The following ATP2B3 variants were observed in gnomAD, a reference collection of about 807,000 sequenced individuals.
ATP2B3 encodes the protein plasma membrane calcium-transporting ATPase 3.
Under a neutral mutation model 70.8 loss-of-function variants are expected in ATP2B3, and 12 were observed. The ratio of observed to expected loss-of-function variants is 0.17; its 90% CI spans 0.11 to 0.27. The LOEUF is 0.27. ATP2B3 is among the 10% of genes least tolerant of loss of function. The pLI is 1.00. For missense variants in ATP2B3, 858 were observed against 1,118.5 expected (o/e 0.77, Z 3.32); for synonymous variants, 460 against 497.8 (o/e 0.92, Z 1.01).
Position 153,580,578 on chromosome X carries a change from C to A in ATP2B3, c.*280C>A, listed in dbSNP as rs1462910234. 6.4e-6 allele frequency: 2 copies of A among 312,534 alleles called. No individual in the cohort carries two copies. Among genetic ancestry groups the A allele is most frequent in the Non-Finnish European group, 1.1e-5 (2 of 178,074 alleles). The allele number at this position is 312,534 out of a possible 1,213,427, so 25.8% of individuals were successfully genotyped here. A position where few individuals can be genotyped will look rare whatever the true frequency, so the allele number is the denominator to read the frequency against. On this transcript the variant is annotated 3_prime_UTR_variant, in exon 22 of 22. Coordinates refer to ENST00000263519, the MANE Select transcript of ATP2B3 (RefSeq NM_001001344.3). ...CAAAAAGGGGGAGGAGAAGGTTCTT[C>A]GTCCAAAGGAGGAAGGAGAAGAAGT...
intron 2 of ATP2B3, among the ~76,000 whole-genome samples, chrX:153,531,612 T>C (rs1265231716): frequency 1.8e-5 from 2 of 112,790 alleles, no homozygotes; most frequent in Non-Finnish European, 3.8e-5. Context: ...CCCTGAGTTC[T>C]GCTTCCTTCT....
At chrX:153,529,743 A>G (rs1160485722) in intron 2 of ATP2B3, among the ~76,000 whole-genome samples, 1 of 108,118 alleles carries the variant, frequency 9.2e-6, no homozygotes, top group Non-Finnish European at 1.9e-5. Context: ...CATGGCACCC[A>G]CCCTTCCACT....
chrX:153,574,792 A>G (rs1557020845), intron 21 of ATP2B3: 1 of 329,099 alleles, frequency 3.0e-6, no homozygotes, highest in African/African-American at 2.7e-5. Flanking sequence ...CCCCATGCAC[A>G]TGGCGGGCAC....
chrX:153,571,644 G>A (rs1417038291), intron 21 of ATP2B3, among the ~76,000 whole-genome samples: 1 of 112,110 alleles, frequency 8.9e-6, no homozygotes. Context: ...CCTTCATTCC[G>A]TGGCCATCTG....
At position 153,543,055 on chromosome X, in the gene ATP2B3, T is replaced by C; in HGVS notation, c.803T>C (p.Met268Thr). The C allele has an allele frequency of 8.3e-7, 1 of 1,210,919 alleles. No homozygotes were observed. Among genetic ancestry groups the C allele is most frequent in the Non-Finnish European group, 1.1e-6 (1 of 895,077 alleles). The change falls in exon 7 of 22, where the codon ATG (methionine) becomes ACG (threonine). Residue 268 changes from methionine (M) to threonine (T), a missense_variant. By Grantham distance (81) the Met-to-Thr change is moderately conservative. Coordinates refer to ENST00000263519, the MANE Select transcript of ATP2B3 (RefSeq NM_001001344.3). Reference sequence around the variant, plus strand: ...GTTGCTGTTCCAGGCACTCATGTCATGGAAGGTTCTGGAAGAATGGTGGTG... The same window carrying C: ...GTTGCTGTTCCAGGCACTCATGTCACGGAAGGTTCTGGAAGAATGGTGGTG... The part of the protein sequence containing the change: ...DPMLLSGTHV[M>T]EGSGRMVVTA...
chrX:153,561,155 C>T (rs371579213), intron 19 of ATP2B3, among the ~76,000 whole-genome samples: 1 of 112,334 alleles, frequency 8.9e-6, no homozygotes, highest in South Asian at 3.7e-4. Flanking sequence ...GAAGTTTTCT[C>T]ACAGATGCTG....
intron 12 of ATP2B3, among the ~76,000 whole-genome samples, chrX:153,552,055 C>T (rs1299148805): frequency 2.7e-5 from 3 of 112,682 alleles, no homozygotes; most frequent in Non-Finnish European, 5.6e-5. Flanking sequence ...CCAGGTGCAG[C>T]GCTCACTGCC....
At chrX:153,561,672 G>A (rs1288198842) in intron 19 of ATP2B3, among the ~76,000 whole-genome samples, 1 of 112,333 alleles carries the variant, frequency 8.9e-6, no homozygotes, top group Non-Finnish European at 1.9e-5. Context: ...ACCTGGTCCT[G>A]GGTAATGAGT....
At chrX:153,536,641 C>A (rs947240054) in intron 3 of ATP2B3, among the ~76,000 whole-genome samples, 186 bp downstream of exon 3, 2 of 112,403 alleles carry the variant, frequency 1.8e-5, no homozygotes, top group African/African-American at 6.5e-5. Context: ...TCCACACCTC[C>A]ACAATCAGGA....
chrX:153,578,724 A>G (rs1557021917), intron 21 of ATP2B3, among the ~76,000 whole-genome samples: 1 of 112,159 alleles, frequency 8.9e-6, no homozygotes, highest in Non-Finnish European at 1.9e-5. Context: ...AGGTCTGCAA[A>G]CTCCTGTGGG....
At chrX:153,552,286 G>A (rs2090469174) in intron 12 of ATP2B3, among the ~76,000 whole-genome samples, 1 of 112,182 alleles carries the variant, frequency 8.9e-6, no homozygotes, top group African/African-American at 3.2e-5. Context: ...GGTTCCGTGG[G>A]TGAATCCACA....
Position 153,548,641 on chromosome X carries a change from G to A in ATP2B3, c.1125G>A (p.Gly375=), listed in dbSNP as rs1557009793. ...CGTCTCCTCCCCGCTCTGTGGCAGG[G>A]CTGGTGATGTCTGCCATCACCGTCA... is the stretch of plus-strand genomic sequence containing the variant. ...TKLAVQIGKA[G]LVMSAITVII... Residue 375 remains glycine (G), a splice_region_variant and synonymous_variant, in exon 10 of 22, where the codon GGG becomes GGA. Transcript: ENST00000263519. 1 of 1,206,552 alleles carries A rather than the reference G, an allele frequency of 8.3e-7. No homozygotes were observed. Among genetic ancestry groups the A allele is most frequent in the Admixed American group, 2.2e-5 (1 of 45,694 alleles).
At chrX:153,533,194 C>G (rs1187606892) in intron 2 of ATP2B3, 1 of 111,627 alleles carries the variant, frequency 9.0e-6, no homozygotes, top group Non-Finnish European at 1.9e-5. Context: ...CCACGTGTCT[C>G]AAAGAGCTTA....
rs200802886 is a variant in ATP2B3, at chrX:153,553,200, C to G, written c.1989C>G (p.Asn663Lys). 8 of 1,211,780 alleles carry G rather than the reference C, an allele frequency of 6.6e-6. No homozygotes were observed. Among genetic ancestry groups the G allele is most frequent in the Non-Finnish European group, 8.9e-6 (8 of 895,439 alleles). ...FSAGQEPDWD[N>K]ENEVVGDLTC... ...CAGGCCAGGAGCCCGACTGGGACAA[C>G]GAGAATGAGGTCGTGGGTGACCTCA... Residue 663 changes from asparagine (N) to lysine (K), a missense_variant, in exon 13 of 22, where the codon AAC (asparagine) becomes AAG (lysine). Asn to Lys is a moderately conservative substitution (Grantham distance 94). This residue lies in a region of ATP2B3 where 242 missense variants were observed against 281.3 expected (regional missense o/e 0.86). Coordinates refer to ENST00000263519, the MANE Select transcript of ATP2B3 (RefSeq NM_001001344.3).
In ATP2B3 at chrX:153,541,685, G is replaced by A. The variant is rs782291889; in HGVS notation, c.423G>A (p.Ser141=). The change falls in exon 5 of 22, where the codon TCG becomes TCA. Residue 141 remains serine (S), a synonymous_variant. Coordinates refer to ENST00000263519, the MANE Select transcript of ATP2B3 (RefSeq NM_001001344.3). ...GEESEACGNV[S]GGAEDEGEAE... is the part of the protein sequence containing the mutation. ...TCCGCACAGCCTGTGGGAATGTGTC[G>A]GGAGGCGCAGAAGATGAGGGCGAGG... The A allele has an allele frequency of 8.3e-6, 10 of 1,209,469 alleles. No individual in the cohort carries two copies. Among genetic ancestry groups the A allele is most frequent in the African/African-American group, 3.5e-5 (2 of 57,143 alleles).
At chrX:153,548,559 A>G in intron 9 of ATP2B3, 81 bp from the exon 10 acceptor site, 2 of 913,101 alleles carry the variant, frequency 2.2e-6, no homozygotes, top group East Asian at 3.1e-5. Flanking sequence ...GACCGTGTCC[A>G]TACCTCTTCT....
chrX:153,563,026 C>G (rs1341743865), intron 20 of ATP2B3, among the ~76,000 whole-genome samples: 2 of 110,905 alleles, frequency 1.8e-5, no homozygotes, highest in Non-Finnish European at 3.8e-5. Flanking sequence ...ACCTTGGTGA[C>G]CTCATTTAAC....
At chrX:153,542,920 A>G (rs2090309101) in intron 6 of ATP2B3, 123 bp from the exon 7 acceptor site, 7 of 948,252 alleles carry the variant, frequency 7.4e-6, no homozygotes, top group Non-Finnish European at 1.0e-5. Context: ...GCTTCAGCCT[A>G]GTTTTAAGGT....
At chrX:153,575,117 C>T (rs2090839464) in intron 21 of ATP2B3, among the ~76,000 whole-genome samples, 1 of 112,469 alleles carries the variant, frequency 8.9e-6, no homozygotes, top group Non-Finnish European at 1.9e-5. Context: ...CTCCGGGGAG[C>T]CCCTGCGTGG....
Sources: gnomAD v4.1 joint callset for allele counts (sites outside exome capture counted in the v4.1 genomes callset) on GRCh38, gnomAD v4.1.1 for gene constraint, gnomAD v4.1.1 regional missense constraint, MANE v1.5 for transcripts, NCBI Gene and HGNC (gene_info 2026-07-23, HGNC 2026-07-21) for gene names.